Variants in EPHA3 observed in about 807,000 individuals in gnomAD.
EPHA3 encodes the protein EPH receptor A3, also known as ephrin type-A receptor 3.
A neutral mutation model predicts 107.1 loss-of-function variants in EPHA3; 42 were observed. The ratio of observed to expected loss-of-function variants is 0.39; its 90% CI spans 0.31 to 0.51. The LOEUF is 0.51. Among genes scored for constraint, EPHA3 ranks in the 20% least tolerant of loss-of-function variants. The pLI is 0.78. For missense variants in EPHA3, 1,183 were observed against 1,211.2 expected (o/e 0.98, Z 0.35); for synonymous variants, 461 against 424.8 (o/e 1.09, Z -1.05).
intron 15 of EPHA3, among the ~76,000 whole-genome samples, chr3:89,455,461 G>C (rs1211416784): frequency 6.6e-6 from 1 of 152,230 alleles, no homozygotes; most frequent in African/African-American, 2.4e-5. Flanking sequence ...ACAGAAGCCA[G>C]AGCACTTGAG....
chr3:89,188,770 A>T (rs932719765), intron 2 of EPHA3, among the ~76,000 whole-genome samples: 15 of 152,086 alleles, frequency 9.9e-5, no homozygotes, highest in African/African-American at 3.6e-4. Context: ...TCTTCACATC[A>T]TTCACACCTC....
chr3:89,189,349 C>A (rs1447005287), intron 2 of EPHA3, among the ~76,000 whole-genome samples: 7 of 151,932 alleles, frequency 4.6e-5, no homozygotes, highest in Admixed American at 2.0e-4. Flanking sequence ...AATCCCAGCA[C>A]TTTGGGAGGC....
chr3:89,327,933 A>G (rs1707203783), intron 3 of EPHA3, among the ~76,000 whole-genome samples: 1 of 151,922 alleles, frequency 6.6e-6, no homozygotes, highest in Non-Finnish European at 1.5e-5. Context: ...CCCCATCTCC[A>G]CTAAAAATAC....
At chr3:89,247,904 G>C (rs1429471131) in intron 3 of EPHA3, among the ~76,000 whole-genome samples, 1 of 152,088 alleles carries the variant, frequency 6.6e-6, no homozygotes, top group Non-Finnish European at 1.5e-5. Context: ...CTGATGTAAG[G>C]ACCTTGGGCA....
intron 2 of EPHA3, among the ~76,000 whole-genome samples, chr3:89,128,675 CTATATACTA>C (rs893359892): frequency 6.7e-6 from 1 of 149,566 alleles, no homozygotes; most frequent in Non-Finnish European, 1.5e-5. Flanking sequence ...TATAGACATA[CTATATACTA>C]TATATACTAT....
chr3:89,203,501 C>T (rs1324210692), intron 2 of EPHA3, among the ~76,000 whole-genome samples: 2 of 151,930 alleles, frequency 1.3e-5, no homozygotes, highest in Non-Finnish European at 2.9e-5. Flanking sequence ...CGGCTGGGCG[C>T]GGTGGCTCAA....
chr3:89,395,755 T>A lies in EPHA3; in HGVS notation c.1307-82T>A, dbSNP rs1708837125. The A allele has an allele frequency of 3.3e-6, 5 of 1,514,842 alleles. No homozygotes were observed. The Admixed American group carries it at 9.1e-5, about 27-fold the overall frequency. The allele number at this position is 1,514,842 out of a possible 1,614,324, so 93.8% of individuals were successfully genotyped here. A position where few individuals can be genotyped will look rare whatever the true frequency, so the allele number is the denominator to read the frequency against. Reference sequence around the variant, plus strand: ...GATAGACTCCATTTGCATGTTCCCTTCTCCCTCTGTTCTTATTCGCCACCC... The same window carrying A: ...GATAGACTCCATTTGCATGTTCCCTACTCCCTCTGTTCTTATTCGCCACCC... On this transcript the variant is annotated intron_variant, in intron 5 of 16. Transcript: ENST00000336596.
intron 5 of EPHA3, among the ~76,000 whole-genome samples, chr3:89,388,813 A>T (rs563476906): frequency 1.5e-4 from 23 of 152,292 alleles, no homozygotes; most frequent in Non-Finnish European, 2.9e-4. Flanking sequence ...GTTGGAGCTT[A>T]TTATTTGCTT....
At chr3:89,173,048 G>A (rs889460162) in intron 2 of EPHA3, among the ~76,000 whole-genome samples, 18 of 152,030 alleles carry the variant, frequency 1.2e-4, no homozygotes, top group Admixed American at 9.8e-4. Context: ...TTCAGAATCT[G>A]TAAATATGTT....
chr3:89,269,511 C>T (rs1274410699), intron 3 of EPHA3, among the ~76,000 whole-genome samples: 8 of 151,852 alleles, frequency 5.3e-5, no homozygotes, highest in African/African-American at 1.5e-4. Context: ...CCTGGCTTTA[C>T]GTGATCCTCA....
At chr3:89,384,764 A>T (rs1708583735) in intron 5 of EPHA3, among the ~76,000 whole-genome samples, 1 of 152,210 alleles carries the variant, frequency 6.6e-6, no homozygotes, top group Non-Finnish European at 1.5e-5. Flanking sequence ...ATATGTAAAG[A>T]ATAAGCACTA....
chr3:89,118,563 C>T (rs1021281229), intron 1 of EPHA3, among the ~76,000 whole-genome samples: 12 of 151,400 alleles, frequency 7.9e-5, no homozygotes, highest in Non-Finnish European at 1.6e-4. Context: ...GGTTTACTAC[C>T]CTAACCCTAT....
intron 3 of EPHA3, among the ~76,000 whole-genome samples, chr3:89,308,757 G>T (rs1377597617): frequency 1.3e-5 from 2 of 152,054 alleles, no homozygotes; most frequent in Admixed American, 6.6e-5. Context: ...TAGTGGAAAG[G>T]TTTGTGTAAA....
intron 5 of EPHA3, among the ~76,000 whole-genome samples, chr3:89,382,265 T>C (rs965343369): frequency 6.6e-5 from 10 of 152,004 alleles, no homozygotes; most frequent in Admixed American, 6.6e-4. Context: ...CTTGGCACTT[T>C]GAGAGGCAAA....
At chr3:89,401,110 G>A (rs1300239439) in intron 7 of EPHA3, among the ~76,000 whole-genome samples, 1 of 152,074 alleles carries the variant, frequency 6.6e-6, no homozygotes, top group Admixed American at 6.5e-5. Flanking sequence ...TTTCAGGATT[G>A]ACCTAAAAAT....
rs1450391434 is a variant in EPHA3, at chr3:89,391,415, TC to T, written c.1307-4421del. ...TTCTTTTCTTTTCTTTTCTTTTCTT[TC>T]TTTTCTTTTTTTTTTTTTTTTTGAG... On this transcript the variant is annotated intron_variant, in intron 5 of 16. Transcript: ENST00000336596. Among the ~76,000 whole-genome samples the T allele has an allele frequency of 7.3e-3, 1,049 of 144,194 alleles. 36 individuals are homozygous for T. The highest frequency in any genetic ancestry group is 0.028 in the African/African-American group (1,012 of 36,634). The allele number at this position is 144,194 out of a possible 152,430, so 94.6% of individuals were successfully genotyped here. A position where few individuals can be genotyped will look rare whatever the true frequency, so the allele number is the denominator to read the frequency against.
intron 3 of EPHA3, among the ~76,000 whole-genome samples, chr3:89,279,871 A>G (rs978778364): frequency 1.3e-5 from 2 of 152,234 alleles, no homozygotes; most frequent in African/African-American, 4.8e-5. Context: ...CACTCTAAAT[A>G]TAACACAAAA....
chr3:89,470,228 A>C (rs1004995463), intron 15 of EPHA3, among the ~76,000 whole-genome samples: 1 of 152,104 alleles, frequency 6.6e-6, no homozygotes, highest in Non-Finnish European at 1.5e-5. Context: ...AATAATGGCT[A>C]CTTTTCAGGG....
At chr3:89,298,122 A>C (rs1706402330) in intron 3 of EPHA3, among the ~76,000 whole-genome samples, 1 of 152,102 alleles carries the variant, frequency 6.6e-6, no homozygotes, top group Admixed American at 6.6e-5. Context: ...GGGAACAAGC[A>C]TTTTTCCATG....
Sources: allele counts gnomAD v4.1 joint callset (sites outside exome capture counted in the v4.1 genomes callset), GRCh38; gene constraint gnomAD v4.1.1; transcripts MANE v1.5; gene names NCBI Gene and HGNC (gene_info 2026-07-23, HGNC 2026-07-21).